The following KIF26B variants were observed in gnomAD, a reference collection of about 807,000 sequenced individuals.
KIF26B encodes the protein kinesin family member 26B.
A neutral mutation model predicts 151.2 loss-of-function variants in KIF26B; 63 were observed. The observed-to-expected ratio is 0.42, with a 90% CI of 0.34 to 0.51. The LOEUF is 0.51. Ranked by LOEUF, KIF26B falls within the 20% of genes least tolerant of loss-of-function variation. KIF26B has a pLI of 0.07. For missense variants in KIF26B, 2,813 were observed against 2,913.6 expected, an observed-to-expected ratio of 0.97 and a Z score of 0.79; for synonymous variants, 1,357 against 1,262.1, an observed-to-expected ratio of 1.08 and a Z score of -1.59.
At chr1:245,156,760 C>A in intron 2 of KIF26B, 77 bp downstream of exon 2, 2 of 943,800 alleles carry the variant, frequency 2.1e-6, no homozygotes, top group Non-Finnish European at 2.8e-6. Flanking sequence ...GCTGCTCAGC[C>A]CGCCGCGACC....
At chr1:245,351,245 C>T (rs1231442346) in intron 2 of KIF26B, among the ~76,000 whole-genome samples, 1 of 152,156 alleles carries the variant, frequency 6.6e-6, no homozygotes, top group African/African-American at 2.4e-5. Context: ...CAAAGGCTTA[C>T]CTGGGTGGGC....
chr1:245,468,318 T>C (rs1394693312), intron 4 of KIF26B, among the ~76,000 whole-genome samples: 1 of 152,166 alleles, frequency 6.6e-6, no homozygotes, highest in East Asian at 1.9e-4. Context: ...AGGGGGGTCA[T>C]TGGTTTGGAG....
At chr1:245,701,657 C>T (rs994929000) in intron 14 of KIF26B, among the ~76,000 whole-genome samples, 6 of 152,208 alleles carry the variant, frequency 3.9e-5, no homozygotes, top group Non-Finnish European at 8.8e-5. Flanking sequence ...TTCACAGCAA[C>T]TCAAGGCAGG....
chr1:245,363,272 C>G lies in KIF26B; in HGVS notation c.466-3562C>G, dbSNP rs183422470. 1.6e-4 allele frequency among the ~76,000 whole-genome samples: 24 copies of G among 152,346 alleles called. No homozygotes were observed. In the East Asian group the frequency reaches 4.1e-3, roughly 26 times the overall value. ...AGTGCAGTGGTGTGATCTCAGCTCA[C>G]TGCAACCTCTGCCTCCCAGGCTCAA... On this transcript the variant is annotated intron_variant, in intron 2 of 14. Coordinates refer to ENST00000407071, the MANE Select transcript of KIF26B (RefSeq NM_018012.4).
chr1:245,641,017 A>G (rs2043886019), intron 9 of KIF26B, among the ~76,000 whole-genome samples: 1 of 152,172 alleles, frequency 6.6e-6, no homozygotes, highest in African/African-American at 2.4e-5. Context: ...TTTAGCATTT[A>G]TCATAGGCTA....
intron 4 of KIF26B, among the ~76,000 whole-genome samples, chr1:245,438,768 A>AG (rs749875775): frequency 2.6e-5 from 4 of 152,252 alleles, no homozygotes; most frequent in Admixed American, 6.5e-5. Context: ...AATGATGGTA[A>AG]GCGACGGAAA....
intron 4 of KIF26B, among the ~76,000 whole-genome samples, chr1:245,527,151 A>G (rs1473159252): frequency 2.6e-5 from 4 of 152,232 alleles, no homozygotes; most frequent in African/African-American, 9.6e-5. Flanking sequence ...AAAAGGCAGC[A>G]TGGTGTAATG....
chr1:245,180,306 G>GAA (rs1021680880), intron 2 of KIF26B, among the ~76,000 whole-genome samples: 4 of 151,780 alleles, frequency 2.6e-5, no homozygotes, highest in African/African-American at 9.7e-5. Context: ...GAGAGAGAGA[G>GAA]AGAGAGAGAG....
At chr1:245,374,078 AAAAAAAAAAAAAAAAAAT>A (rs1673196525) in intron 3 of KIF26B, among the ~76,000 whole-genome samples, 1 of 32,596 alleles carries the variant, frequency 3.1e-5, no homozygotes, top group African/African-American at 1.1e-4. Flanking sequence ...AAAAAAAAAA[AAAAAAAAAAAAAAAAAAT>A]ATATATATAT....
chr1:245,663,846 G>T (rs1350360944), intron 10 of KIF26B, among the ~76,000 whole-genome samples: 1 of 152,114 alleles, frequency 6.6e-6, no homozygotes, highest in Non-Finnish European at 1.5e-5. Flanking sequence ...GACAATTATT[G>T]GGGGTTGATT....
In KIF26B at chr1:245,424,134, G is replaced by T. The variant is rs180916687; in HGVS notation, c.1166+4389G>T. On this transcript the variant is annotated intron_variant, in intron 4 of 14. Transcript: ENST00000407071. ...GCTGGGATTATAGTCATGAGCCACTGCACCTGGCCTAAAATTTATTCATTT... is the reference window on the plus strand; with the variant it reads ...GCTGGGATTATAGTCATGAGCCACTTCACCTGGCCTAAAATTTATTCATTT... 5.3e-4 allele frequency among the ~76,000 whole-genome samples: 81 copies of T among 151,924 alleles called. 1 individual carries two copies. Among genetic ancestry groups the T allele is most frequent in the African/African-American group, 1.5e-3 (61 of 41,442 alleles).
intron 2 of KIF26B, among the ~76,000 whole-genome samples, chr1:245,184,317 C>T (rs1668965551): frequency 6.6e-6 from 1 of 151,800 alleles, no homozygotes; most frequent in Admixed American, 6.6e-5. Context: ...GAGCTCCAGG[C>T]CAGGTCTTAA....
intron 4 of KIF26B, among the ~76,000 whole-genome samples, chr1:245,499,956 T>C (rs968885646): frequency 6.6e-6 from 1 of 152,214 alleles, no homozygotes; most frequent in African/African-American, 2.4e-5. Context: ...TTGGGCTGAG[T>C]GGAAGCGTTT....
In KIF26B at chr1:245,177,742, G is replaced by C. The variant is rs141777048; in HGVS notation, c.465+21059G>C. Among the ~76,000 whole-genome samples the C allele has an allele frequency of 8.1e-3, 1,236 of 151,790 alleles. 18 individuals carry two copies. The highest frequency in any genetic ancestry group is 0.027 in the African/African-American group (1,137 of 41,360). On this transcript the variant is annotated intron_variant, in intron 2 of 14. Coordinates refer to ENST00000407071, the MANE Select transcript of KIF26B (RefSeq NM_018012.4). ...GACGGATAATGGTGATGGCAGTTTAGGCCTGTTTCTGATTAGTAAAATGAC... is the reference window on the plus strand; with the variant it reads ...GACGGATAATGGTGATGGCAGTTTACGCCTGTTTCTGATTAGTAAAATGAC...
In KIF26B at chr1:245,523,762, C is replaced by T. The variant is rs149590956; in HGVS notation, c.1167-17005C>T. On this transcript the variant is annotated intron_variant, in intron 4 of 14. Coordinates refer to ENST00000407071, the MANE Select transcript of KIF26B (RefSeq NM_018012.4). Reference sequence around the variant, plus strand: ...ATCATCTTGTGGGTTAGGATTTCAACTTATGAATTTAAAGAGGGACATAAA... The same window carrying T: ...ATCATCTTGTGGGTTAGGATTTCAATTTATGAATTTAAAGAGGGACATAAA... Among the ~76,000 whole-genome samples, 5 of 152,290 alleles carry T rather than the reference C, an allele frequency of 3.3e-5. No individual in the cohort carries two copies. The East Asian group carries it at 9.6e-4, about 29-fold the overall frequency.
intron 2 of KIF26B, among the ~76,000 whole-genome samples, chr1:245,203,742 C>T (rs998547140): frequency 6.6e-6 from 1 of 152,068 alleles, no homozygotes; most frequent in African/African-American, 2.4e-5. Flanking sequence ...TTTCCCTGGA[C>T]GTTCAGTTCC....
At chr1:245,603,566 C>A (rs962241394) in intron 6 of KIF26B, among the ~76,000 whole-genome samples, 4 of 152,112 alleles carry the variant, frequency 2.6e-5, no homozygotes, top group African/African-American at 9.7e-5. Context: ...AGGCACATGT[C>A]TTTGGGGGTT....
intron 2 of KIF26B, among the ~76,000 whole-genome samples, chr1:245,298,503 G>A (rs1276743757): frequency 6.6e-6 from 1 of 152,204 alleles, no homozygotes; most frequent in Non-Finnish European, 1.5e-5. Context: ...TAGAGGGAGG[G>A]AGAATGGGTG....
intron 5 of KIF26B, among the ~76,000 whole-genome samples, chr1:245,575,759 G>A (rs377414970): frequency 2.0e-4 from 31 of 152,218 alleles, no homozygotes; most frequent in African/African-American, 7.2e-4. Flanking sequence ...TATCATAAAT[G>A]TCCATACGAG....
Sources: gnomAD v4.1 joint callset for allele counts (sites outside exome capture counted in the v4.1 genomes callset) on GRCh38, gnomAD v4.1.1 for gene constraint, MANE v1.5 for transcripts, NCBI Gene and HGNC (gene_info 2026-07-23, HGNC 2026-07-21) for gene names.